AIG1: variants seen among roughly 807,000 people sequenced by gnomAD.
AIG1 encodes the protein androgen induced 1.
AIG1 carries 23 observed loss-of-function variants against 31.4 expected under a neutral mutation model. The ratio of observed to expected loss-of-function variants is 0.73; its 90% CI spans 0.53 to 1.04. AIG1 has a LOEUF of 1.04. Ranked by LOEUF, AIG1 falls within the 50% of genes least tolerant of loss-of-function variation. The pLI is 0.00. For missense variants in AIG1, 274 were observed against 295.0 expected, an observed-to-expected ratio of 0.93 and a Z score of 0.52; for synonymous variants, 100 against 110.5, an observed-to-expected ratio of 0.90 and a Z score of 0.60.
At chr6:143,195,157 A>G (rs1178000348) in intron 3 of AIG1, among the ~76,000 whole-genome samples, 2 of 152,152 alleles carry the variant, frequency 1.3e-5, no homozygotes, top group African/African-American at 4.8e-5. Context: ...CTAAAGGCTG[A>G]CGGTGGGAGT....
In AIG1 at chr6:143,153,373, A is replaced by G. The variant is rs140440964; in HGVS notation, c.298-11709A>G. Among the ~76,000 whole-genome samples, 510 of 152,196 alleles carry G rather than the reference A, an allele frequency of 3.4e-3. 3 individuals carry two copies. The highest frequency in any genetic ancestry group is 0.012 in the African/African-American group (488 of 41,514). ...CTTTTTATTTTTATTTTTGAGATGGAGTCTCGCTCTGTCACCCAGGCTGGA... is the reference window on the plus strand; with the variant it reads ...CTTTTTATTTTTATTTTTGAGATGGGGTCTCGCTCTGTCACCCAGGCTGGA... On this transcript the variant is annotated intron_variant, in intron 2 of 5. Coordinates refer to ENST00000357847, the MANE Select transcript of AIG1 (RefSeq NM_016108.4).
Position 143,093,725 on chromosome 6 carries a change from T to C in AIG1, c.141+32659T>C, listed in dbSNP as rs1378277170. Among the ~76,000 whole-genome samples, 3 of 152,198 alleles carry C rather than the reference T, an allele frequency of 2.0e-5. No homozygotes were observed. In the East Asian group the frequency reaches 5.8e-4, roughly 29 times the overall value. ...GCAACTCTTCTTTTCCCTTGATCAC[T>C]TAGAGGCCATTGTAGGGATATTAAT... On this transcript the variant is annotated intron_variant, in intron 1 of 5. Coordinates refer to ENST00000357847, the MANE Select transcript of AIG1 (RefSeq NM_016108.4).
At position 143,160,350 on chromosome 6, in the gene AIG1, T is replaced by G. The variant is rs997556426; in HGVS notation, c.298-4732T>G. On this transcript the variant is annotated intron_variant, in intron 2 of 5. Coordinates refer to ENST00000357847, the MANE Select transcript of AIG1 (RefSeq NM_016108.4). The stretch of plus-strand genomic sequence containing the variant: ...GTTTCAGCTTCTGTCAGACTCCATG[T>G]GAGAGACTCCTTTCAAAAAGAGGCA... Among the ~76,000 whole-genome samples, 17 of 152,240 alleles carry G rather than the reference T, an allele frequency of 1.1e-4. 1 individual carries two copies. The highest frequency in any genetic ancestry group is 1.1e-3 in the Admixed American group (17 of 15,274).
intron 1 of AIG1, among the ~76,000 whole-genome samples, chr6:143,119,048 A>AT (rs1782007288): frequency 6.6e-6 from 1 of 151,786 alleles, no homozygotes; most frequent in Non-Finnish European, 1.5e-5. Flanking sequence ...TAGTTTTTCT[A>AT]TTTTTTGTAG....
At chr6:143,136,019 TTC>T (rs1783704695) in intron 1 of AIG1, among the ~76,000 whole-genome samples, 1 of 152,182 alleles carries the variant, frequency 6.6e-6, no homozygotes, top group South Asian at 2.1e-4. Flanking sequence ...GCCTGCAGTG[TTC>T]TCCTTTGCAA....
Position 143,270,628 on chromosome 6 carries a change from G to A in AIG1, c.400-13482G>A, listed in dbSNP as rs76771420. 4.2e-3 allele frequency among the ~76,000 whole-genome samples: 633 copies of A among 152,260 alleles called. 1 individual carries two copies. The highest frequency in any genetic ancestry group is 5.0e-3 in the Non-Finnish European group (337 of 68,012). On this transcript the variant is annotated intron_variant, in intron 3 of 5. Transcript: ENST00000357847. ...TCTAAAGGCCCCTTTTGAGAGCATT[G>A]CCTTATGTCATGGAATCATTGTGAA...
At chr6:143,320,769 G>T (rs1028208487) in intron 4 of AIG1, among the ~76,000 whole-genome samples, 3 of 151,930 alleles carry the variant, frequency 2.0e-5, no homozygotes, top group Admixed American at 6.6e-5. Flanking sequence ...CAGCATAAAA[G>T]CCGTAATTAA....
chr6:143,327,521 T>C lies in AIG1; in HGVS notation c.516-5761T>C. 5.1e-6 allele frequency: 2 copies of C among 390,712 alleles called. No individual in the cohort carries two copies. Among genetic ancestry groups the C allele is most frequent in the Non-Finnish European group, 9.7e-6 (2 of 206,510 alleles). 24.2% of individuals were successfully genotyped at this position (390,712 alleles called of 1,614,324 possible). On this transcript the variant is annotated intron_variant, in intron 4 of 5. Transcript: ENST00000357847. This position sits in a 1 kb window ranked among gnomAD's most constrained non-coding sequence, Gnocchi z 5.3. The stretch of plus-strand genomic sequence containing the variant: ...GGCCAAAGGAATAAGGAATGTCCCA[T>C]ACTGTAACCATGTGTGGTTGTCCAG...
At chr6:143,132,648 G>GT (rs879382650) in intron 1 of AIG1, among the ~76,000 whole-genome samples, 209 of 145,236 alleles carry the variant, frequency 1.4e-3, no homozygotes, top group Middle Eastern at 7.4e-3. Context: ...TATTTCTTCA[G>GT]TTTTTTTTTT....
chr6:143,324,982 A>G (rs1443718115), intron 4 of AIG1, among the ~76,000 whole-genome samples: 1 of 152,148 alleles, frequency 6.6e-6, no homozygotes, highest in Non-Finnish European at 1.5e-5. Flanking sequence ...TGACAATGTC[A>G]TTTTTTCAAC....
chr6:143,253,508 A>G (rs1795158062), intron 3 of AIG1, among the ~76,000 whole-genome samples: 1 of 152,212 alleles, frequency 6.6e-6, no homozygotes, highest in Non-Finnish European at 1.5e-5. Flanking sequence ...ATAGCCATGC[A>G]GGGAAGTTAG....
At chr6:143,246,837 T>C (rs1363114051) in intron 3 of AIG1, among the ~76,000 whole-genome samples, 1 of 152,234 alleles carries the variant, frequency 6.6e-6, no homozygotes, top group Middle Eastern at 3.4e-3. Context: ...TTCACACCAA[T>C]TGCTAGTTCA....
At chr6:143,202,790 A>G (rs1269014335) in intron 3 of AIG1, among the ~76,000 whole-genome samples, 3 of 152,166 alleles carry the variant, frequency 2.0e-5, no homozygotes, top group Non-Finnish European at 4.4e-5. Context: ...TTCCCGGGAG[A>G]GGAAGCAAGC....
intron 4 of AIG1, among the ~76,000 whole-genome samples, chr6:143,317,995 A>G (rs1256070524): frequency 1.3e-5 from 2 of 152,154 alleles, no homozygotes; most frequent in Non-Finnish European, 2.9e-5. Context: ...AAGAAATTAT[A>G]GACTACACAA....
chr6:143,243,840 G>A (rs1264793283), intron 3 of AIG1, among the ~76,000 whole-genome samples: 1 of 152,178 alleles, frequency 6.6e-6, no homozygotes, highest in Non-Finnish European at 1.5e-5. Context: ...TGGGAAGACT[G>A]CATATGTGGC....
chr6:143,206,858 T>G (rs2128611530), intron 3 of AIG1, among the ~76,000 whole-genome samples: 1 of 152,286 alleles, frequency 6.6e-6, no homozygotes, highest in African/African-American at 2.4e-5. Context: ...CCAACTTAAA[T>G]GAGCTAGGCC....
chr6:143,330,546 T>C lies in AIG1; in HGVS notation c.516-2736T>C, dbSNP rs1174812956. ...GAACGATGGGGAGAATAACAGGAGA[T>C]TAAATCAGAAAAGTGCGGGGTAGGG... On this transcript the variant is annotated intron_variant, in intron 4 of 5. Coordinates refer to ENST00000357847, the MANE Select transcript of AIG1 (RefSeq NM_016108.4). This position sits in a 1 kb window ranked among gnomAD's most constrained non-coding sequence, Gnocchi z 4.4. 1.3e-5 allele frequency among the ~76,000 whole-genome samples: 2 copies of C among 151,634 alleles called. No homozygotes were observed. The highest frequency in any genetic ancestry group is 2.9e-5 in the Non-Finnish European group (2 of 67,908).
chr6:143,096,099 G>C (rs1583161918), intron 1 of AIG1, among the ~76,000 whole-genome samples: 1 of 151,694 alleles, frequency 6.6e-6, no homozygotes, highest in South Asian at 2.1e-4. Flanking sequence ...GTAGAGACAG[G>C]GTTTCACCAT....
At chr6:143,255,513 C>G (rs1252399451) in intron 3 of AIG1, among the ~76,000 whole-genome samples, 1 of 152,170 alleles carries the variant, frequency 6.6e-6, no homozygotes, top group Non-Finnish European at 1.5e-5. Flanking sequence ...ATTAGGGCCC[C>G]ACTCTTATGA....
Sources: allele counts gnomAD v4.1 joint callset (sites outside exome capture counted in the v4.1 genomes callset), GRCh38; gene constraint gnomAD v4.1.1; non-coding constraint Gnocchi (gnomAD v3.1); transcripts MANE v1.5; gene names NCBI Gene and HGNC (gene_info 2026-07-23, HGNC 2026-07-21).